Variants in PARVB observed in about 807,000 individuals in gnomAD.
PARVB encodes the protein beta-parvin.
PARVB carries 46 observed loss-of-function variants against 47.0 expected under a neutral mutation model. That is an observed-to-expected ratio of 0.98 (90% CI 0.77 to 1.25). PARVB has a LOEUF of 1.25. Among genes scored for constraint, PARVB ranks in the 50% most tolerant of loss-of-function variants. PARVB has a pLI of 0.00. For missense variants in PARVB, 473 were observed against 471.6 expected (o/e 1.00, Z -0.03); for synonymous variants, 196 against 196.3 (o/e 1.00, Z 0.01).
intron 12 of PARVB, chr22:44,168,098 G>GCAGCAAGGGGCCTGGACAGATGCAGC (rs1200870297): frequency 6.1e-6 from 1 of 162,642 alleles, no homozygotes; most frequent in Non-Finnish European, 1.4e-5. Flanking sequence ...TTTTACAGAT[G>GCAGCAAGGGGCCTGGACAGATGCAGC]AAGGCACTGA....
At chr22:44,161,313 T>C (rs1417217750) in intron 11 of PARVB, among the ~76,000 whole-genome samples, 9 of 148,498 alleles carry the variant, frequency 6.1e-5, no homozygotes, top group East Asian at 2.0e-4. Context: ...CTTTTCTTTT[T>C]TTTTTTTTTT....
At chr22:44,123,525 C>T (rs766472283) in intron 4 of PARVB, among the ~76,000 whole-genome samples, 5 of 152,176 alleles carry the variant, frequency 3.3e-5, no homozygotes, top group Non-Finnish European at 7.4e-5. Context: ...GTGATTCTCC[C>T]ACCTTAGCCG....
At chr22:44,072,789 C>T (rs1173069794) in intron 1 of PARVB, among the ~76,000 whole-genome samples, 3 of 152,134 alleles carry the variant, frequency 2.0e-5, no homozygotes, top group Non-Finnish European at 2.9e-5. Context: ...CTTCCTGCTA[C>T]AGGATAGCCC....
chr22:44,004,494 C>T (rs1305090130), intron 2 of PARVB, among the ~76,000 whole-genome samples: 1 of 152,160 alleles, frequency 6.6e-6, no homozygotes, highest in Non-Finnish European at 1.5e-5. Flanking sequence ...CCACATTCCT[C>T]AAAGTTTGTT....
intron 1 of PARVB, among the ~76,000 whole-genome samples, chr22:44,077,638 C>T (rs11703381): frequency 0.03 from 4,629 of 152,064 alleles, 81 homozygotes; most frequent in Middle Eastern, 0.068. Context: ...AGGTGGGTGC[C>T]GGGGAGGTGG....
At chr22:44,056,877 G>A (rs1438016500) in intron 1 of PARVB, among the ~76,000 whole-genome samples, 1 of 150,484 alleles carries the variant, frequency 6.6e-6, no homozygotes, top group Non-Finnish European at 1.5e-5. Context: ...TAAAATGTCT[G>A]GAAATGGCAC....
rs757889812 is a variant in PARVB at position 44,169,161 on chromosome 22, T to A, written c.*483T>A. On this transcript the variant is annotated 3_prime_UTR_variant, in exon 13 of 13. Coordinates refer to ENST00000338758, the MANE Select transcript of PARVB (RefSeq NM_013327.5). ...GCTTGACGATTCACCGGGGATCTCC[T>A]GGGCTGGGCTCTCCTTGGAAGTGAG... is the stretch of plus-strand genomic sequence containing the variant. 6.1e-5 allele frequency: 9 copies of A among 146,918 alleles called. No individual in the cohort carries two copies. Among genetic ancestry groups the A allele is most frequent in the Non-Finnish European group, 1.1e-4 (8 of 70,200 alleles). 9.1% of individuals were successfully genotyped at this position (146,918 alleles called of 1,614,324 possible).
At chr22:44,062,397 G>C (rs113799164) in intron 1 of PARVB, among the ~76,000 whole-genome samples, 3,353 of 152,272 alleles carry the variant, frequency 0.022, 51 homozygotes, top group Non-Finnish European at 0.037. Context: ...CAGCACTTTG[G>C]GAGGCCAAGG....
intron 2 of PARVB, among the ~76,000 whole-genome samples, chr22:44,013,100 G>A (rs779572721): frequency 2.6e-5 from 4 of 152,034 alleles, no homozygotes; most frequent in African/African-American, 7.2e-5. Flanking sequence ...GTTTCACCAC[G>A]TTGGCCAGGC....
In PARVB at chr22:44,127,168, A is replaced by G. The variant is rs867934812; in HGVS notation, c.377-4319A>G. On this transcript the variant is annotated intron_variant, in intron 4 of 12. Coordinates refer to ENST00000338758, the MANE Select transcript of PARVB (RefSeq NM_013327.5). ...TTTCTTGTGGAGTAGCTGCTGTTCC[A>G]TCTTGTTTGAATAATCACATAAGCA... Among the ~76,000 whole-genome samples, 7 of 152,254 alleles carry G rather than the reference A, an allele frequency of 4.6e-5. 1 individual carries two copies. Among genetic ancestry groups the G allele is most frequent in the Middle Eastern group, 3.4e-3 (1 of 294 alleles).
chr22:44,054,247 A>T (rs979376341), intron 1 of PARVB, among the ~76,000 whole-genome samples: 6 of 152,042 alleles, frequency 3.9e-5, no homozygotes, highest in African/African-American at 1.5e-4. Flanking sequence ...TATTATTATT[A>T]TTTTTGAGAC....
rs561799471 is a variant in PARVB, at chr22:44,124,697, C to G, written c.376+5557C>G. ...GGGCCGTCCTGGAGGGTCACTCCCA[C>G]AGACAAGCCCCATCCTGGTGGAAGG... On this transcript the variant is annotated intron_variant, in intron 4 of 12. Transcript: ENST00000338758. Among the ~76,000 whole-genome samples, 9 of 152,278 alleles carry G rather than the reference C, an allele frequency of 5.9e-5. No individual in the cohort carries two copies. The South Asian group carries it at 1.9e-3, about 32-fold the overall frequency.
chr22:44,106,217 G>A (rs904180007), intron 3 of PARVB: 5 of 151,448 alleles, frequency 3.3e-5, no homozygotes, highest in African/African-American at 1.2e-4. Context: ...GGAAGAGGGG[G>A]TGAGGGTTGG....
At chr22:44,076,567 G>A (rs1342715315) in intron 1 of PARVB, among the ~76,000 whole-genome samples, 17 of 152,226 alleles carry the variant, frequency 1.1e-4, no homozygotes, top group Admixed American at 1.1e-3. Flanking sequence ...ATGCAGCTGT[G>A]CGTGGGGTGT....
chr22:44,023,753 A>G (rs576111953), upstream of PARVB, among the ~76,000 whole-genome samples: 21 of 152,022 alleles, frequency 1.4e-4, no homozygotes, highest in African/African-American at 4.3e-4. Flanking sequence ...CCGGCCTGCA[A>G]GCCATTTCCT....
intron 12 of PARVB, among the ~76,000 whole-genome samples, chr22:44,165,875 C>T (rs1262763165): frequency 6.6e-6 from 1 of 152,242 alleles, no homozygotes; most frequent in Non-Finnish European, 1.5e-5. Flanking sequence ...CAGGTCCCTG[C>T]TGATGGTGGC....
chr22:44,127,021 C>T lies in PARVB; in HGVS notation c.377-4466C>T, dbSNP rs547227656. Reference sequence around the variant, plus strand: ...AGGCACATCCTTTTGGTTCCCTCTTCAGTTAGTGCTAGCAAATGCAGCACT... The same window carrying T: ...AGGCACATCCTTTTGGTTCCCTCTTTAGTTAGTGCTAGCAAATGCAGCACT... On this transcript the variant is annotated intron_variant, in intron 4 of 12. Transcript: ENST00000338758. 1.8e-4 allele frequency among the ~76,000 whole-genome samples: 27 copies of T among 152,346 alleles called. No homozygotes were observed. The South Asian group carries it at 5.6e-3, about 32-fold the overall frequency.
intron 1 of PARVB, among the ~76,000 whole-genome samples, chr22:44,061,458 A>AAACAAAACAC: frequency 6.6e-6 from 1 of 151,942 alleles, no homozygotes; most frequent in South Asian, 2.1e-4. Flanking sequence ...AAACAAAACA[A>AAACAAAACAC]AACAAACCAA....
chr22:44,098,952 G>C (rs1037706702), intron 2 of PARVB, among the ~76,000 whole-genome samples: 8 of 152,154 alleles, frequency 5.3e-5, no homozygotes. Flanking sequence ...TGGGATTGTA[G>C]GCAGGAGCCA....
Sources: gnomAD v4.1 joint callset for allele counts (sites outside exome capture counted in the v4.1 genomes callset) on GRCh38, gnomAD v4.1.1 for gene constraint, MANE v1.5 for transcripts, NCBI Gene and HGNC (gene_info 2026-07-23, HGNC 2026-07-21) for gene names.